The following LSAMP variants were observed in gnomAD, a reference collection of about 807,000 sequenced individuals.
The protein encoded by LSAMP is limbic system-associated membrane protein.
Under a neutral mutation model 38.6 loss-of-function variants are expected in LSAMP, and 7 were observed. That is an observed-to-expected ratio of 0.18 (90% CI 0.10 to 0.34). The LOEUF is 0.34. Among genes scored for constraint, LSAMP ranks in the 10% least tolerant of loss-of-function variants. The pLI is 1.00. For synonymous variants in LSAMP, 154 were observed against 166.8 expected, an observed-to-expected ratio of 0.92 and a Z score of 0.59; for missense variants, 313 against 420.0, an observed-to-expected ratio of 0.75 and a Z score of 2.23.
At chr3:116,180,018 C>G (rs1330822638) in intron 1 of LSAMP, among the ~76,000 whole-genome samples, 1 of 152,142 alleles carries the variant, frequency 6.6e-6, no homozygotes, top group African/African-American at 2.4e-5. Flanking sequence ...TTATGACAAA[C>G]AGCTTGGACT....
chr3:115,926,058 A>G (rs1937491124), intron 3 of LSAMP, among the ~76,000 whole-genome samples: 1 of 152,204 alleles, frequency 6.6e-6, no homozygotes, highest in Non-Finnish European at 1.5e-5. Context: ...AAAAGAAAAA[A>G]AAACATGTAA....
At chr3:116,163,050 A>C (rs1709936631) in intron 1 of LSAMP, among the ~76,000 whole-genome samples, 2 of 151,756 alleles carry the variant, frequency 1.3e-5, no homozygotes, top group South Asian at 4.1e-4. Flanking sequence ...AAATAATTTT[A>C]AAAATGAAGA....
intron 1 of LSAMP, among the ~76,000 whole-genome samples, chr3:116,260,182 A>G (rs906577116): frequency 1.3e-5 from 2 of 152,112 alleles, no homozygotes; most frequent in African/African-American, 2.4e-5. Context: ...AATCCTTTCA[A>G]TAAGGATCCT....
At chr3:116,407,729 A>C (rs2048915891) in intron 1 of LSAMP, among the ~76,000 whole-genome samples, 1 of 152,160 alleles carries the variant, frequency 6.6e-6, no homozygotes, top group South Asian at 2.1e-4. Context: ...TTGCATGTTA[A>C]AATTTGCAAG....
intron 3 of LSAMP, among the ~76,000 whole-genome samples, chr3:115,941,664 AGAC>A (rs1937925873): frequency 6.6e-6 from 1 of 152,286 alleles, no homozygotes; most frequent in South Asian, 2.1e-4. Flanking sequence ...GGGTGAAACT[AGAC>A]GACATTATGC....
chr3:116,034,894 A>G (rs1455264763), intron 2 of LSAMP, among the ~76,000 whole-genome samples: 1 of 152,180 alleles, frequency 6.6e-6, no homozygotes, highest in East Asian at 1.9e-4. Context: ...TTTAACATAT[A>G]TATAGTGTTA....
chr3:116,327,931 G>T (rs2047795783), intron 1 of LSAMP, among the ~76,000 whole-genome samples: 1 of 152,114 alleles, frequency 6.6e-6, no homozygotes, highest in African/African-American at 2.4e-5. Flanking sequence ...CAGGACTCCT[G>T]ATGGATGATT....
At chr3:116,197,091 G>T (rs1013833113) in intron 1 of LSAMP, among the ~76,000 whole-genome samples, 11 of 150,796 alleles carry the variant, frequency 7.3e-5, no homozygotes, top group African/African-American at 2.7e-4. Context: ...ATAAAATGGG[G>T]GTCCCCTGGT....
intron 2 of LSAMP, among the ~76,000 whole-genome samples, chr3:116,029,581 A>C (rs1940872599): frequency 6.6e-6 from 1 of 152,140 alleles, no homozygotes; most frequent in African/African-American, 2.4e-5. Flanking sequence ...CACAAAACAA[A>C]GCAATGCTAG....
At chr3:116,086,272 T>C in intron 2 of LSAMP, 52 bp downstream of exon 2, 2 of 1,346,918 alleles carry the variant, frequency 1.5e-6, no homozygotes, top group East Asian at 4.6e-5. Context: ...ACATTATTAT[T>C]CTGCAACTCC....
At chr3:116,079,865 CA>C (rs947930631) in intron 2 of LSAMP, among the ~76,000 whole-genome samples, 1 of 151,748 alleles carries the variant, frequency 6.6e-6, no homozygotes, top group African/African-American at 2.4e-5. Flanking sequence ...TACATAAATT[CA>C]AAAAATTGCC....
intron 1 of LSAMP, among the ~76,000 whole-genome samples, chr3:116,100,457 A>T (rs1332742318): frequency 4.6e-5 from 7 of 152,084 alleles, no homozygotes; most frequent in African/African-American, 1.4e-4. Context: ...TCTAATTTTT[A>T]AAAAATTATT....
At chr3:116,366,028 A>AG (rs1410343403) in intron 1 of LSAMP, among the ~76,000 whole-genome samples, 4 of 144,366 alleles carry the variant, frequency 2.8e-5, no homozygotes, top group Non-Finnish European at 6.1e-5. Flanking sequence ...AAAAAAAAAA[A>AG]AAAAAAAAAA....
At chr3:116,026,513 T>C (rs1940796104) in intron 2 of LSAMP, among the ~76,000 whole-genome samples, 3 of 152,198 alleles carry the variant, frequency 2.0e-5, no homozygotes, top group Admixed American at 6.5e-5. Flanking sequence ...TGGTAAGACA[T>C]CCTGGTTTTC....
At chr3:116,412,817 T>C (rs2048997493) in intron 1 of LSAMP, among the ~76,000 whole-genome samples, 1 of 152,068 alleles carries the variant, frequency 6.6e-6, no homozygotes, top group African/African-American at 2.4e-5. Flanking sequence ...TTCCTGAGAA[T>C]AAATCTGAGA....
At chr3:115,898,584 T>C (rs1473331831) in intron 3 of LSAMP, among the ~76,000 whole-genome samples, 1 of 142,840 alleles carries the variant, frequency 7.0e-6, no homozygotes, top group Non-Finnish European at 1.5e-5. Flanking sequence ...GATTGCCTCA[T>C]TTGCATGAAG....
intron 1 of LSAMP, among the ~76,000 whole-genome samples, chr3:116,217,508 A>C (rs1415596499): frequency 1.3e-5 from 2 of 152,174 alleles, no homozygotes; most frequent in Non-Finnish European, 2.9e-5. Context: ...AGTGCCTCCT[A>C]TGTTCTGCAC....
intron 1 of LSAMP, among the ~76,000 whole-genome samples, chr3:116,359,377 G>T (rs999214516): frequency 1.3e-5 from 2 of 152,132 alleles, no homozygotes; most frequent in Non-Finnish European, 2.9e-5. Context: ...CATAGGCTTG[G>T]CCTCTCTCCA....
At chr3:116,440,100 A>G (rs1234542652) in intron 1 of LSAMP, among the ~76,000 whole-genome samples, 7 of 152,372 alleles carry the variant, frequency 4.6e-5, no homozygotes, top group Non-Finnish European at 8.8e-5. Flanking sequence ...ATGCAAGGAT[A>G]GATCCAAATT....
Sources: allele counts gnomAD v4.1 joint callset (sites outside exome capture counted in the v4.1 genomes callset), GRCh38; gene constraint gnomAD v4.1.1; transcripts MANE v1.5; gene names NCBI Gene and HGNC (gene_info 2026-07-23, HGNC 2026-07-21).